Variants in GNA11 observed in about 807,000 individuals in gnomAD.
GNA11 encodes G protein subunit alpha 11, also known as guanine nucleotide-binding protein subunit alpha-11.
GNA11 carries 8 observed loss-of-function variants against 38.2 expected under a neutral mutation model. The ratio of observed to expected loss-of-function variants is 0.21; its 90% CI spans 0.12 to 0.38. The LOEUF is 0.38. Among genes scored for constraint, GNA11 ranks in the 10% least tolerant of loss-of-function variants. GNA11 has a pLI of 1.00. For synonymous variants in GNA11, 211 were observed against 221.4 expected (o/e 0.95, Z 0.42); for missense variants, 268 against 516.3 (o/e 0.52, Z 4.66).
At chr19:3,102,431 G>A (rs1913527921) in intron 1 of GNA11, among the ~76,000 whole-genome samples, 1 of 152,220 alleles carries the variant, frequency 6.6e-6, no homozygotes. Context: ...CCTCAGCAGC[G>A]GGGTGAGCCG....
intron 1 of GNA11, among the ~76,000 whole-genome samples, chr19:3,106,811 A>T (rs2145312437): frequency 6.6e-6 from 1 of 152,364 alleles, no homozygotes. Flanking sequence ...ATGCATATGT[A>T]TGTGTGCATG....
Position 3,122,518 on chromosome 19 carries a change from C to G in GNA11, c.*1339C>G. ...GGGGCCCCTTGAGGCACTGAGGCAC[C>G]GAGACTGGTTCTCCCCGAGAGACTC... On this transcript the variant is annotated 3_prime_UTR_variant, in exon 7 of 7. Transcript: ENST00000078429. This position sits in a 1 kb window ranked among gnomAD's most constrained non-coding sequence, Gnocchi z 7.7. The G allele has an allele frequency of 4.3e-6, 1 of 232,520 alleles. No homozygotes were observed. Among genetic ancestry groups the G allele is most frequent in the East Asian group, 6.1e-5 (1 of 16,524 alleles). 14.4% of individuals were successfully genotyped at this position (232,520 alleles called of 1,614,324 possible).
In GNA11 at chr19:3,122,951, C is replaced by G. The variant is rs955392002; in HGVS notation, c.*1772C>G. 12 of 233,398 alleles carry G rather than the reference C, an allele frequency of 5.1e-5. No homozygotes were observed. Among genetic ancestry groups the G allele is most frequent in the African/African-American group, 8.8e-5 (4 of 45,354 alleles). 14.5% of individuals were successfully genotyped at this position (233,398 alleles called of 1,614,324 possible). On this transcript the variant is annotated 3_prime_UTR_variant, in exon 7 of 7. Transcript: ENST00000078429. The surrounding 1 kb of genome is among the most constrained non-coding windows in gnomAD (Gnocchi z 7.7). ...AGACGGGGCTGGCGGGATACCCCCC[C>G]CCCGGCTTCCCCACACCACTTCTGT...
rs1387445923 is a variant in GNA11, at chr19:3,123,735, ATT to A, written c.*2557_*2558del. Reference sequence around the variant, plus strand: ...GGACGGGACCCAGTGATACTTGTATATTACACAGTCCTGATTTCAGACAATTT... The same window carrying A: ...GGACGGGACCCAGTGATACTTGTATAACACAGTCCTGATTTCAGACAATTT... On this transcript the variant is annotated 3_prime_UTR_variant, in exon 7 of 7. Transcript: ENST00000078429. 4.3e-6 allele frequency: 1 copy of A among 232,724 alleles called. No homozygotes were observed. Among genetic ancestry groups the A allele is most frequent in the Non-Finnish European group, 8.5e-6 (1 of 117,766 alleles). 14.4% of individuals were successfully genotyped at this position (232,724 alleles called of 1,614,324 possible).
chr19:3,118,692 CA>C, intron 4 of GNA11: 1 of 509,224 alleles, frequency 2.0e-6, no homozygotes, highest in Non-Finnish European at 3.5e-6. Context: ...TCCCTGGGCC[CA>C]GTGGTCTCAG....
intron 1 of GNA11, among the ~76,000 whole-genome samples, chr19:3,103,868 G>C (rs1249442902): frequency 2.0e-5 from 3 of 152,188 alleles, no homozygotes; most frequent in Non-Finnish European, 4.4e-5. Flanking sequence ...TGTAGTTTTA[G>C]TGGAGACGCG....
intron 1 of GNA11, among the ~76,000 whole-genome samples, chr19:3,097,326 C>T (rs1913396090): frequency 6.6e-6 from 1 of 152,164 alleles, no homozygotes; most frequent in African/African-American, 2.4e-5. Flanking sequence ...ATTCTTTCCT[C>T]CCCTGCCCCT....
chr19:3,122,313 C>G lies in GNA11; in HGVS notation c.*1134C>G, dbSNP rs1321723037. 1.7e-5 allele frequency: 4 copies of G among 232,548 alleles called. No individual in the cohort carries two copies. The highest frequency in any genetic ancestry group is 3.4e-5 in the Non-Finnish European group (4 of 117,622). 14.4% of individuals were successfully genotyped at this position (232,548 alleles called of 1,614,324 possible). On this transcript the variant is annotated 3_prime_UTR_variant, in exon 7 of 7. Transcript: ENST00000078429. The surrounding 1 kb of genome is among the most constrained non-coding windows in gnomAD (Gnocchi z 7.7). Reference sequence around the variant, plus strand: ...CCTTGTCCCAAGCACTTGCGCCCGCCCCCGAGCGCCGCCCCCGGGGAGCGG... The same window carrying G: ...CCTTGTCCCAAGCACTTGCGCCCGCGCCCGAGCGCCGCCCCCGGGGAGCGG...
chr19:3,121,684 G>A lies in GNA11; in HGVS notation c.*505G>A, dbSNP rs1384796675. The stretch of plus-strand genomic sequence containing the variant: ...TCTTTTCTTCATCACAAAAGGCGTG[G>A]AGACTCGGAGACGGACGTTTTTCCC... On this transcript the variant is annotated 3_prime_UTR_variant, in exon 7 of 7. Coordinates refer to ENST00000078429, the MANE Select transcript of GNA11 (RefSeq NM_002067.5). 1 of 232,600 alleles carries A rather than the reference G, an allele frequency of 4.3e-6. No homozygotes were observed. Among genetic ancestry groups the A allele is most frequent in the Non-Finnish European group, 8.5e-6 (1 of 117,794 alleles). 14.4% of individuals were successfully genotyped at this position (232,600 alleles called of 1,614,324 possible). A position where few individuals can be genotyped will look rare whatever the true frequency, so the allele number is the denominator to read the frequency against.
At chr19:3,114,265 C>A (rs1353557945) in intron 3 of GNA11, among the ~76,000 whole-genome samples, 1 of 152,218 alleles carries the variant, frequency 6.6e-6, no homozygotes. Context: ...CCTCTTACAA[C>A]CCCCACCCCA....
chr19:3,095,524 C>G (rs1014546114), intron 1 of GNA11, among the ~76,000 whole-genome samples: 4 of 151,608 alleles, frequency 2.6e-5, no homozygotes, highest in Non-Finnish European at 5.9e-5. Flanking sequence ...GCCCTGTACA[C>G]CCCCCCATCC....
chr19:3,106,274 C>T (rs943481559), intron 1 of GNA11, among the ~76,000 whole-genome samples: 1 of 152,172 alleles, frequency 6.6e-6, no homozygotes, highest in African/African-American at 2.4e-5. Context: ...ACATTGGGTC[C>T]ACTGTGTGTG....
At chr19:3,116,224 C>T (rs1207404101) in intron 4 of GNA11, among the ~76,000 whole-genome samples, 1 of 152,112 alleles carries the variant, frequency 6.6e-6, no homozygotes, top group East Asian at 1.9e-4. Context: ...GAACGTGGAC[C>T]CTGCCTGCCT....
intron 1 of GNA11, among the ~76,000 whole-genome samples, chr19:3,103,100 GC>G (rs1268375235): frequency 4.6e-5 from 7 of 152,236 alleles, no homozygotes; most frequent in Non-Finnish European, 7.3e-5. Flanking sequence ...TAGACGGGAA[GC>G]AGCCTGGAAC....
At chr19:3,097,224 G>A (rs766874522) in intron 1 of GNA11, among the ~76,000 whole-genome samples, 4 of 152,132 alleles carry the variant, frequency 2.6e-5, no homozygotes, top group Non-Finnish European at 5.9e-5. Context: ...TGGCTATGGC[G>A]CCTGCGGCCC....
At chr19:3,100,265 C>T (rs1214207627) in intron 1 of GNA11, among the ~76,000 whole-genome samples, 3 of 152,194 alleles carry the variant, frequency 2.0e-5, no homozygotes, top group Non-Finnish European at 4.4e-5. Flanking sequence ...CCCTGGCCTC[C>T]ACCCACACCA....
rs867288014 is a variant in GNA11 at position 3,122,171 on chromosome 19, G to A, written c.*992G>A. 23 of 233,074 alleles carry A rather than the reference G, an allele frequency of 9.9e-5. No individual in the cohort carries two copies. The highest frequency in any genetic ancestry group is 6.2e-4 in the Admixed American group (11 of 17,790). The allele number at this position is 233,074 out of a possible 1,614,324, so 14.4% of individuals were successfully genotyped here. A position where few individuals can be genotyped will look rare whatever the true frequency, so the allele number is the denominator to read the frequency against. ...GATGGGGGCGTTTCTGTTTTGTTCC[G>A]CTTTGTGATGTCACCAATTTGGAAA... is the stretch of plus-strand genomic sequence containing the variant. On this transcript the variant is annotated 3_prime_UTR_variant, in exon 7 of 7. Transcript: ENST00000078429. The surrounding 1 kb of genome is among the most constrained non-coding windows in gnomAD (Gnocchi z 7.7).
chr19:3,104,853 G>A (rs76263612), intron 1 of GNA11, among the ~76,000 whole-genome samples: 3,381 of 152,290 alleles, frequency 0.022, 118 homozygotes, highest in African/African-American at 0.066. Context: ...CTTCCTGAAC[G>A]CCGGGCTCTT....
intron 1 of GNA11, among the ~76,000 whole-genome samples, chr19:3,096,024 G>A (rs1568277589): frequency 6.6e-6 from 1 of 152,224 alleles, no homozygotes. Context: ...CCTGGGCCGG[G>A]GGCGGGGCGG....
Sources: allele counts gnomAD v4.1 joint callset (sites outside exome capture counted in the v4.1 genomes callset), GRCh38; gene constraint gnomAD v4.1.1; non-coding constraint Gnocchi (gnomAD v3.1); transcripts MANE v1.5; gene names NCBI Gene and HGNC (gene_info 2026-07-23, HGNC 2026-07-21).